Variants in PIWIL2 observed in about 807,000 individuals in gnomAD.
PIWIL2 encodes the protein piwi-like protein 2.
PIWIL2 carries 81 observed loss-of-function variants against 116.5 expected under a neutral mutation model. The observed-to-expected ratio is 0.70, with a 90% CI of 0.58 to 0.84. PIWIL2 has a LOEUF of 0.84. Ranked by LOEUF, PIWIL2 falls within the 40% of genes least tolerant of loss-of-function variation. PIWIL2 has a pLI of 0.00. For synonymous variants in PIWIL2, 489 were observed against 429.5 expected (o/e 1.14, Z -1.71); for missense variants, 1,272 against 1,212.3 (o/e 1.05, Z -0.73).
chr8:22,339,631 G>T (rs748722615), intron 20 of PIWIL2, among the ~76,000 whole-genome samples: 2 of 152,152 alleles, frequency 1.3e-5, no homozygotes, highest in Non-Finnish European at 2.9e-5. Context: ...AGAAAAAATC[G>T]ATTTGATGAA....
intron 13 of PIWIL2, among the ~76,000 whole-genome samples, chr8:22,306,437 CA>C (rs1463473599): frequency 6.6e-6 from 1 of 152,154 alleles, no homozygotes; most frequent in African/African-American, 2.4e-5. Context: ...AGGCAAAAAG[CA>C]AATAAGTCAG....
chr8:22,314,139 T>C (rs1169007843), intron 16 of PIWIL2, among the ~76,000 whole-genome samples, 189 bp from the exon 17 acceptor site: 2 of 152,338 alleles, frequency 1.3e-5, no homozygotes, highest in East Asian at 3.9e-4. Context: ...AGAACAGCCC[T>C]GAGCCAAAGA....
intron 4 of PIWIL2, 98 bp from the exon 5 acceptor site, chr8:22,282,936 T>G: frequency 1.1e-6 from 1 of 944,454 alleles, no homozygotes; most frequent in Non-Finnish European, 1.7e-6. Flanking sequence ...TCCCTTTTGC[T>G]GTCTCCTCCA....
Position 22,283,790 on chromosome 8 carries a change from G to A in PIWIL2, c.633-372G>A, listed in dbSNP as rs1052884070. Reference sequence around the variant, plus strand: ...CTAATGAGTGGACTCACGGCCTTTCGTTTCCTTCCCAATTGAGACAATTCC... The same window carrying A: ...CTAATGAGTGGACTCACGGCCTTTCATTTCCTTCCCAATTGAGACAATTCC... On this transcript the variant is annotated intron_variant, in intron 5 of 22. Coordinates refer to ENST00000356766, the MANE Select transcript of PIWIL2 (RefSeq NM_018068.5). 4.6e-5 allele frequency among the ~76,000 whole-genome samples: 7 copies of A among 152,268 alleles called. No homozygotes were observed. In the South Asian group the frequency reaches 1.0e-3, roughly 23 times the overall value.
At chr8:22,290,394 A>T (rs200218481) in intron 10 of PIWIL2, 48 bp downstream of exon 10, 5 of 1,069,648 alleles carry the variant, frequency 4.7e-6, no homozygotes, top group Non-Finnish European at 7.2e-6. Context: ...GATTTTCTGA[A>T]AAGTTCAGTA....
At chr8:22,305,728 C>T (rs1831160379) in intron 12 of PIWIL2, among the ~76,000 whole-genome samples, 199 bp from the exon 13 acceptor site, 1 of 152,032 alleles carries the variant, frequency 6.6e-6, no homozygotes, top group African/African-American at 2.4e-5. Flanking sequence ...CCTAATACAA[C>T]AGGCTGTATG....
At chr8:22,345,932 G>A (rs1832217144) in intron 20 of PIWIL2, among the ~76,000 whole-genome samples, 1 of 152,172 alleles carries the variant, frequency 6.6e-6, no homozygotes, top group African/African-American at 2.4e-5. Flanking sequence ...AAGGAAGGAG[G>A]CACTGGGGGA....
intron 20 of PIWIL2, among the ~76,000 whole-genome samples, chr8:22,349,937 G>C (rs1832317788): frequency 6.6e-6 from 1 of 152,136 alleles, no homozygotes; most frequent in African/African-American, 2.4e-5. Flanking sequence ...TGTGGCTCGA[G>C]TCGTCTACAC....
chr8:22,276,247 A>T (rs1830365701), intron 1 of PIWIL2, among the ~76,000 whole-genome samples: 1 of 152,198 alleles, frequency 6.6e-6, no homozygotes, highest in Non-Finnish European at 1.5e-5. Context: ...GGGTTTATGA[A>T]TTGTGTGTTA....
At chr8:22,303,555 T>A (rs942392611) in intron 10 of PIWIL2, among the ~76,000 whole-genome samples, 1 of 152,062 alleles carries the variant, frequency 6.6e-6, no homozygotes, top group Non-Finnish European at 1.5e-5. Context: ...CCACTACACC[T>A]GGCTAATTTT....
intron 10 of PIWIL2, among the ~76,000 whole-genome samples, chr8:22,291,935 C>T (rs1252701019): frequency 6.6e-6 from 1 of 152,002 alleles, no homozygotes; most frequent in African/African-American, 2.4e-5. Flanking sequence ...ACGGTCAGGG[C>T]AATCAGAAGT....
intron 10 of PIWIL2, among the ~76,000 whole-genome samples, chr8:22,294,498 G>A (rs1304973020): frequency 2.7e-5 from 4 of 150,834 alleles, no homozygotes; most frequent in East Asian, 2.0e-4. Flanking sequence ...AAAATTAGCC[G>A]GGCGTGATGG....
Position 22,323,617 on chromosome 8 carries a change from A to G in PIWIL2, c.2403+5342A>G, listed in dbSNP as rs117805366. ...ATTGATTATTAATATCAGCATCATC[A>G]TAAGACTTGTTTACAATGAGTTAGT... On this transcript the variant is annotated intron_variant, in intron 20 of 22. Coordinates refer to ENST00000356766, the MANE Select transcript of PIWIL2 (RefSeq NM_018068.5). 6.6e-3 allele frequency among the ~76,000 whole-genome samples: 1,010 copies of G among 152,306 alleles called. 4 individuals carry two copies. Among genetic ancestry groups the G allele is most frequent in the Middle Eastern group, 0.01 (3 of 294 alleles).
At chr8:22,285,864 C>CT (rs1563350387) in intron 6 of PIWIL2, among the ~76,000 whole-genome samples, 1 of 152,026 alleles carries the variant, frequency 6.6e-6, no homozygotes, top group African/African-American at 2.4e-5. Flanking sequence ...AGGCTGGTCT[C>CT]AAACTCCTGA....
chr8:22,296,801 G>A (rs543716910), intron 10 of PIWIL2, among the ~76,000 whole-genome samples: 91 of 152,140 alleles, frequency 6.0e-4, no homozygotes, highest in African/African-American at 2.0e-3. Flanking sequence ...TTCTATATGA[G>A]ATTATTTTCC....
intron 20 of PIWIL2, among the ~76,000 whole-genome samples, chr8:22,320,530 G>A (rs1228799900): frequency 6.6e-6 from 1 of 151,904 alleles, no homozygotes; most frequent in African/African-American, 2.4e-5. Context: ...GCCCGCCTCA[G>A]CCTCTCAAAG....
At chr8:22,288,140 T>TA (rs879681600) in intron 7 of PIWIL2, among the ~76,000 whole-genome samples, 15 of 151,430 alleles carry the variant, frequency 9.9e-5, no homozygotes, top group African/African-American at 1.9e-4. Flanking sequence ...CTACTAAAAA[T>TA]AAAAAAAATT....
At chr8:22,322,601 G>GTCCCA (rs1380381591) in intron 20 of PIWIL2, among the ~76,000 whole-genome samples, 1 of 150,122 alleles carries the variant, frequency 6.7e-6, no homozygotes, top group African/African-American at 2.5e-5. Flanking sequence ...GTCCTGTCCC[G>GTCCCA]TCCCATCCCA....
chr8:22,281,534 T>C lies in PIWIL2; in HGVS notation c.425+19T>C. The C allele has an allele frequency of 1.9e-6, 3 of 1,540,238 alleles. No individual in the cohort carries two copies. Among genetic ancestry groups the C allele is most frequent in the Non-Finnish European group, 1.7e-6 (2 of 1,148,418 alleles). ...GGAGTAGGTGGGTAAAGTTACCCTCTCAGGTAACTATCAAATTCAGATGGA... is the reference window on the plus strand; with the variant it reads ...GGAGTAGGTGGGTAAAGTTACCCTCCCAGGTAACTATCAAATTCAGATGGA... On this transcript the variant is annotated intron_variant, in intron 4 of 22. Coordinates refer to ENST00000356766, the MANE Select transcript of PIWIL2 (RefSeq NM_018068.5).
Sources: allele counts gnomAD v4.1 joint callset (sites outside exome capture counted in the v4.1 genomes callset), GRCh38; gene constraint gnomAD v4.1.1; transcripts MANE v1.5; gene names NCBI Gene and HGNC (gene_info 2026-07-23, HGNC 2026-07-21).